Variants in NWD2 observed in about 807,000 individuals in gnomAD.
The protein encoded by NWD2 is NACHT and WD repeat domain-containing protein 2.
A neutral mutation model predicts 132.7 loss-of-function variants in NWD2; 37 were observed. That is an observed-to-expected ratio of 0.28 (90% CI 0.21 to 0.37). NWD2 has a LOEUF of 0.37. Among genes scored for constraint, NWD2 ranks in the 10% least tolerant of loss-of-function variants. NWD2 has a pLI of 1.00. For missense variants in NWD2, 1,592 were observed against 2,122.4 expected, an observed-to-expected ratio of 0.75 and a Z score of 4.91; for synonymous variants, 705 against 803.0, an observed-to-expected ratio of 0.88 and a Z score of 2.06.
chr4:37,370,170 A>G (rs1291225932), intron 3 of NWD2, among the ~76,000 whole-genome samples: 1 of 152,324 alleles, frequency 6.6e-6, no homozygotes, highest in South Asian at 2.1e-4. Context: ...TTTACGCATG[A>G]TATCTCTGAT....
intron 3 of NWD2, among the ~76,000 whole-genome samples, chr4:37,390,757 G>C (rs188480973): frequency 6.6e-6 from 1 of 152,272 alleles, no homozygotes; most frequent in Non-Finnish European, 1.5e-5. Context: ...CTTGCCAAAA[G>C]TCATACTGTA....
chr4:37,329,043 A>G (rs1384797947), intron 2 of NWD2, among the ~76,000 whole-genome samples: 3 of 152,160 alleles, frequency 2.0e-5, no homozygotes, highest in Non-Finnish European at 2.9e-5. Flanking sequence ...TACATGAAAA[A>G]AAAAAATGAA....
chr4:37,389,447 A>G (rs968269865), intron 3 of NWD2, among the ~76,000 whole-genome samples: 5 of 152,218 alleles, frequency 3.3e-5, no homozygotes, highest in Admixed American at 3.3e-4. Context: ...CAAGAGCCCA[A>G]CACCTTTGGA....
intron 2 of NWD2, among the ~76,000 whole-genome samples, chr4:37,354,964 A>G (rs889832062): frequency 6.6e-6 from 1 of 152,018 alleles, no homozygotes; most frequent in Non-Finnish European, 1.5e-5. Context: ...CTATTTATTC[A>G]TTTATTACTA....
chr4:37,417,522 C>T (rs1711656760), intron 3 of NWD2, among the ~76,000 whole-genome samples: 1 of 151,896 alleles, frequency 6.6e-6, no homozygotes, highest in South Asian at 2.1e-4. Context: ...GGGGAATCAG[C>T]CTGGATTTGC....
At chr4:37,425,690 A>C (rs1711987548) in intron 3 of NWD2, among the ~76,000 whole-genome samples, 1 of 152,218 alleles carries the variant, frequency 6.6e-6, no homozygotes, top group East Asian at 1.9e-4. Context: ...CTCTGCACCA[A>C]GTGTTTCCCT....
At position 37,274,308 on chromosome 4, in the gene NWD2, C is replaced by T. The variant is rs1404709774; in HGVS notation, c.151+29090C>T. Among the ~76,000 whole-genome samples the T allele has an allele frequency of 4.6e-5, 7 of 151,998 alleles. No homozygotes were observed. The East Asian group carries it at 5.8e-4, about 13-fold the overall frequency. The stretch of plus-strand genomic sequence containing the variant: ...TCAGAGAATACTATAAACACCTCTG[C>T]GCAAATAAACTAGAAGATTTAGAAG... On this transcript the variant is annotated intron_variant, in intron 1 of 6. Transcript: ENST00000309447.
chr4:37,394,669 G>A (rs1720743500), intron 3 of NWD2, among the ~76,000 whole-genome samples: 1 of 152,070 alleles, frequency 6.6e-6, no homozygotes, highest in Non-Finnish European at 1.5e-5. Context: ...AGAGGAACAG[G>A]AAACTTACTA....
chr4:37,316,228 T>A (rs1718954110), intron 1 of NWD2, among the ~76,000 whole-genome samples: 1 of 152,084 alleles, frequency 6.6e-6, no homozygotes, highest in African/African-American at 2.4e-5. Flanking sequence ...AGTATTTTGC[T>A]TTTTTAAAAA....
At chr4:37,437,750 C>T (rs1021293812) in intron 5 of NWD2, among the ~76,000 whole-genome samples, 2 of 151,994 alleles carry the variant, frequency 1.3e-5, no homozygotes, top group Admixed American at 1.3e-4. Flanking sequence ...TTACTACTGA[C>T]CCAGTTTAAA....
At position 37,446,883 on chromosome 4, in the gene NWD2, T is replaced by C. The variant is rs964087975; in HGVS notation, c.4895T>C (p.Ile1632Thr). ...LALSQRHLNI[I>T]VGFDDGSIGI... is the part of the protein sequence containing the mutation. ...CTCTCCCAGAGGCACCTGAACATCA[T>C]TGTGGGCTTTGATGATGGGAGTATA... The change falls in exon 7 of 7, where the codon ATT (isoleucine) becomes ACT (threonine). Residue 1632 changes from isoleucine to threonine, a missense_variant. By Grantham distance (89) the Ile-to-Thr change is moderately conservative. This residue lies in a region of NWD2 where 257 missense variants were observed against 335.0 expected (regional missense o/e 0.77). Transcript: ENST00000309447. This position sits in a 1 kb window ranked among gnomAD's most constrained non-coding sequence, Gnocchi z 6.7. The C allele has an allele frequency of 1.7e-5, 26 of 1,551,630 alleles. No homozygotes were observed. Among genetic ancestry groups the C allele is most frequent in the African/African-American group, 5.5e-5 (4 of 73,040 alleles).
In NWD2 at chr4:37,437,937, G is replaced by T. The variant is rs146184361; in HGVS notation, c.707-864G>T. ...TGACATAGATCACCCAGATTGATCAGTCATCAGAATATAATTATATTTTGC... is the reference window on the plus strand; with the variant it reads ...TGACATAGATCACCCAGATTGATCATTCATCAGAATATAATTATATTTTGC... On this transcript the variant is annotated intron_variant, in intron 5 of 6. Coordinates refer to ENST00000309447, the MANE Select transcript of NWD2 (RefSeq NM_001144990.2). 3.5e-3 allele frequency among the ~76,000 whole-genome samples: 539 copies of T among 152,276 alleles called. 4 individuals carry two copies. The highest frequency in any genetic ancestry group is 0.012 in the African/African-American group (515 of 41,538).
chr4:37,274,812 CAG>C (rs1463726132), intron 1 of NWD2, among the ~76,000 whole-genome samples: 7 of 152,012 alleles, frequency 4.6e-5, no homozygotes, highest in African/African-American at 1.7e-4. Context: ...AACATATAAA[CAG>C]AACCAAAGAC....
At chr4:37,406,071 C>G (rs971673469) in intron 3 of NWD2, among the ~76,000 whole-genome samples, 10 of 152,130 alleles carry the variant, frequency 6.6e-5, no homozygotes, top group Non-Finnish European at 1.3e-4. Context: ...AATTTATAAA[C>G]AAGAAGTCAC....
At position 37,427,095 on chromosome 4, in the gene NWD2, A is replaced by C. The variant is rs532291121; in HGVS notation, c.358-3477A>C. On this transcript the variant is annotated intron_variant, in intron 3 of 6. Coordinates refer to ENST00000309447, the MANE Select transcript of NWD2 (RefSeq NM_001144990.2). Reference sequence around the variant, plus strand: ...TTGGCTACTAGATGGAGTGTTGTCAATTACTAAATCCCATATTTAATGTGC... The same window carrying C: ...TTGGCTACTAGATGGAGTGTTGTCACTTACTAAATCCCATATTTAATGTGC... Among the ~76,000 whole-genome samples the C allele has an allele frequency of 1.5e-4, 22 of 151,632 alleles. No individual in the cohort carries two copies. In the South Asian group the frequency reaches 3.6e-3, roughly 25 times the overall value.
At chr4:37,428,378 A>T (rs1712064496) in intron 3 of NWD2, among the ~76,000 whole-genome samples, 1 of 152,266 alleles carries the variant, frequency 6.6e-6, no homozygotes, top group South Asian at 2.1e-4. Flanking sequence ...TGGATACAAT[A>T]AAGCAGACAA....
At chr4:37,395,350 C>G (rs12502825) in intron 3 of NWD2, among the ~76,000 whole-genome samples, 101,423 of 150,316 alleles carry the variant, frequency 0.67, 34,444 homozygotes, top group South Asian at 0.74. Flanking sequence ...GGTTTGTTTT[C>G]CTTTTTGCAT....
In NWD2 at chr4:37,444,797, A is replaced by G; in HGVS notation, c.2809A>G (p.Lys937Glu). The G allele has an allele frequency of 6.4e-7, 1 of 1,551,982 alleles. No individual in the cohort carries two copies. Among genetic ancestry groups the G allele is most frequent in the Non-Finnish European group, 8.7e-7 (1 of 1,147,088 alleles). The change falls in exon 7 of 7, where the codon AAA becomes GAA. Residue 937 changes from lysine (K) to glutamate (E), a missense_variant. Physicochemically the swap from Lys to Glu is moderately conservative, Grantham distance 56. Around this residue, in one of 7 missense-constraint regions of NWD2, gnomAD observed 1,071 missense variants for 1,398.0 expected, o/e 0.77. Coordinates refer to ENST00000309447, the MANE Select transcript of NWD2 (RefSeq NM_001144990.2). This position sits in a 1 kb window ranked among gnomAD's most constrained non-coding sequence, Gnocchi z 4.8. Reference protein sequence around the residue: ...KLRHLLLECDKDGPKYCSIVP... With the variant: ...KLRHLLLECDEDGPKYCSIVP... ...TAGACATCTTCTTTTAGAGTGTGAT[A>G]AAGATGGGCCCAAATATTGCTCCAT... is the stretch of plus-strand genomic sequence containing the variant.
At chr4:37,326,416 G>C (rs1424870275) in intron 2 of NWD2, among the ~76,000 whole-genome samples, 2 of 152,102 alleles carry the variant, frequency 1.3e-5, no homozygotes, top group African/African-American at 4.8e-5. Flanking sequence ...TCATCAGCCA[G>C]GCCTGGCCTT....
Sources: allele counts gnomAD v4.1 joint callset (sites outside exome capture counted in the v4.1 genomes callset), GRCh38; gene constraint gnomAD v4.1.1; regional missense constraint gnomAD v4.1.1; non-coding constraint Gnocchi (gnomAD v3.1); transcripts MANE v1.5; gene names NCBI Gene and HGNC (gene_info 2026-07-23, HGNC 2026-07-21).